Variants in THSD7B observed in about 807,000 individuals in gnomAD.
THSD7B encodes thrombospondin type 1 domain containing 7B.
THSD7B carries 138 observed loss-of-function variants against 213.6 expected under a neutral mutation model. That is an observed-to-expected ratio of 0.65 (90% CI 0.56 to 0.74). The LOEUF (loss-of-function observed/expected upper bound fraction) is 0.74. Among genes scored for constraint, THSD7B ranks in the 30% least tolerant of loss-of-function variants. The pLI is 0.00. For missense variants in THSD7B, 1,931 were observed against 1,991.5 expected, an observed-to-expected ratio of 0.97 and a Z score of 0.58; for synonymous variants, 742 against 687.0, an observed-to-expected ratio of 1.08 and a Z score of -1.25.
intron 2 of THSD7B, among the ~76,000 whole-genome samples, chr2:136,940,163 C>T (rs974573800): frequency 5.3e-5 from 8 of 152,074 alleles, no homozygotes; most frequent in Non-Finnish European, 1.2e-4. Context: ...TCATCCCTCA[C>T]CCCCCAACCT....
At chr2:137,226,887 GGA>G (rs1681518775) in intron 7 of THSD7B, among the ~76,000 whole-genome samples, 2 of 146,694 alleles carry the variant, frequency 1.4e-5, no homozygotes, top group Non-Finnish European at 3.1e-5. Context: ...TACATACAAT[GGA>G]ATATTGTTCA....
chr2:137,130,216 A>T (rs985157170), intron 5 of THSD7B, among the ~76,000 whole-genome samples: 2 of 152,132 alleles, frequency 1.3e-5, no homozygotes, highest in Non-Finnish European at 2.9e-5. Flanking sequence ...AAAAGGCCTA[A>T]AATGGGACAG....
chr2:137,595,585 T>A (rs1187488056), intron 17 of THSD7B, among the ~76,000 whole-genome samples: 8 of 152,004 alleles, frequency 5.3e-5, no homozygotes, highest in Non-Finnish European at 1.2e-4. Flanking sequence ...AATTTGAGAT[T>A]TACTATGTTG....
At chr2:137,244,873 A>G (rs777143920) in intron 10 of THSD7B, among the ~76,000 whole-genome samples, 1 of 152,192 alleles carries the variant, frequency 6.6e-6, no homozygotes, top group Non-Finnish European at 1.5e-5. Context: ...AGGGGGAAAA[A>G]TTTGGAGGAA....
intron 3 of THSD7B, among the ~76,000 whole-genome samples, chr2:137,067,200 G>T (rs1301139895): frequency 1.3e-5 from 2 of 152,052 alleles, no homozygotes; most frequent in Non-Finnish European, 2.9e-5. Context: ...TTGGATGTTT[G>T]CTTTAGCTTT....
intron 15 of THSD7B, among the ~76,000 whole-genome samples, chr2:137,513,763 G>A (rs1389868604): frequency 1.3e-5 from 2 of 152,202 alleles, no homozygotes; most frequent in Admixed American, 1.3e-4. Flanking sequence ...TTATTCAGAA[G>A]TTGTCCAGAC....
At chr2:137,047,981 C>T (rs1291947246) in intron 2 of THSD7B, among the ~76,000 whole-genome samples, 1 of 152,088 alleles carries the variant, frequency 6.6e-6, no homozygotes, top group Non-Finnish European at 1.5e-5. Flanking sequence ...CACAGGTATA[C>T]ACATGCCATG....
At chr2:137,416,870 G>A (rs1686811702) in intron 14 of THSD7B, among the ~76,000 whole-genome samples, 1 of 152,210 alleles carries the variant, frequency 6.6e-6, no homozygotes, top group South Asian at 2.1e-4. Flanking sequence ...GATAAGCAAT[G>A]TTTTTGAAAC....
intron 12 of THSD7B, among the ~76,000 whole-genome samples, chr2:137,373,930 T>C (rs1485709842): frequency 1.3e-5 from 2 of 152,236 alleles, no homozygotes; most frequent in East Asian, 3.9e-4. Context: ...TAGCCAGTTT[T>C]CCCAGCACCA....
intron 15 of THSD7B, among the ~76,000 whole-genome samples, chr2:137,559,783 C>G (rs1011845943): frequency 1.3e-5 from 2 of 152,150 alleles, no homozygotes; most frequent in Admixed American, 1.3e-4. Flanking sequence ...AGGCAACCTA[C>G]AGAATGGGAG....
intron 20 of THSD7B, among the ~76,000 whole-genome samples, chr2:137,636,903 G>T (rs1293628194): frequency 1.3e-5 from 2 of 152,090 alleles, no homozygotes; most frequent in Admixed American, 6.6e-5. Flanking sequence ...GCCCAGGCTG[G>T]TCTCAAACTC....
At chr2:137,401,330 T>C (rs1434595719) in intron 12 of THSD7B, among the ~76,000 whole-genome samples, 1 of 152,230 alleles carries the variant, frequency 6.6e-6, no homozygotes, top group Non-Finnish European at 1.5e-5. Flanking sequence ...GTTTGTTTTG[T>C]GTGCTTTGCT....
intron 5 of THSD7B, among the ~76,000 whole-genome samples, chr2:137,121,905 A>G (rs1221852341): frequency 6.6e-6 from 1 of 152,218 alleles, no homozygotes; most frequent in East Asian, 1.9e-4. Flanking sequence ...ATTGTCTGCA[A>G]CCTGGATGTC....
intron 7 of THSD7B, among the ~76,000 whole-genome samples, chr2:137,187,510 A>C (rs1181261264): frequency 6.6e-6 from 1 of 152,218 alleles, no homozygotes; most frequent in Non-Finnish European, 1.5e-5. Flanking sequence ...GTAATCTTGA[A>C]TAAATGCGTT....
At chr2:136,848,476 A>G (rs1683045906) in intron 1 of THSD7B, among the ~76,000 whole-genome samples, 1 of 152,196 alleles carries the variant, frequency 6.6e-6, no homozygotes, top group South Asian at 2.1e-4. Flanking sequence ...TTTGAAAACT[A>G]GCAAAAGAAC....
At chr2:137,305,388 G>A (rs1242269161) in intron 12 of THSD7B, among the ~76,000 whole-genome samples, 1 of 152,124 alleles carries the variant, frequency 6.6e-6, no homozygotes, top group Non-Finnish European at 1.5e-5. Flanking sequence ...TACAGGACAG[G>A]CAGTCAGGAA....
At chr2:137,493,556 G>A (rs1679484483) in intron 15 of THSD7B, among the ~76,000 whole-genome samples, 1 of 152,110 alleles carries the variant, frequency 6.6e-6, no homozygotes, top group Non-Finnish European at 1.5e-5. Context: ...CCACCACAAG[G>A]AAAGTCTATT....
At chr2:137,671,110 T>TA (rs1461718769) in intron 27 of THSD7B, among the ~76,000 whole-genome samples, 1 of 152,044 alleles carries the variant, frequency 6.6e-6, no homozygotes, top group Non-Finnish European at 1.5e-5. Context: ...TTGTTTGCGA[T>TA]ACAGCACTTC....
At chr2:137,305,497 G>C (rs1276936727) in intron 12 of THSD7B, among the ~76,000 whole-genome samples, 1 of 152,108 alleles carries the variant, frequency 6.6e-6, no homozygotes, top group Non-Finnish European at 1.5e-5. Context: ...ACCTTGCTTA[G>C]AAGGGTATCT....
Sources: allele counts gnomAD v4.1 joint callset (sites outside exome capture counted in the v4.1 genomes callset), GRCh38; gene constraint gnomAD v4.1.1; transcripts MANE v1.5; gene names NCBI Gene and HGNC (gene_info 2026-07-23, HGNC 2026-07-21).